Variants in GUSB observed in about 807,000 individuals in gnomAD.
GUSB encodes the protein glucuronidase beta.
Under a neutral mutation model 74.6 loss-of-function variants are expected in GUSB, and 51 were observed. The observed-to-expected ratio is 0.68, with a 90% CI of 0.55 to 0.86. The LOEUF is 0.86. GUSB is among the 40% of genes least tolerant of loss of function. GUSB has a pLI of 0.00. For synonymous variants in GUSB, 360 were observed against 348.3 expected (o/e 1.03, Z -0.37); for missense variants, 736 against 853.7 (o/e 0.86, Z 1.72).
rs753377381 is a variant in GUSB at position 65,975,994 on chromosome 7, C to A, written c.912+21G>T. On this transcript the variant is annotated intron_variant, in intron 5 of 11. Transcript: ENST00000304895. Reference sequence around the variant, plus strand: ...ATGGGGGCAAAAGACCTCCCTTAGGCATGTCCCAAACCACCATTACCTCCA... The same window carrying A: ...ATGGGGGCAAAAGACCTCCCTTAGGAATGTCCCAAACCACCATTACCTCCA... 5 of 1,608,296 alleles carry A rather than the reference C, an allele frequency of 3.1e-6. 1 individual carries two copies. In the South Asian group the frequency reaches 5.5e-5, roughly 18 times the overall value.
chr7:65,968,096 A>G (rs1476396946), intron 9 of GUSB, among the ~76,000 whole-genome samples, 189 bp from the exon 10 acceptor site: 1 of 152,026 alleles, frequency 6.6e-6, no homozygotes, highest in Non-Finnish European at 1.5e-5. Context: ...TACAAAAAAT[A>G]GTAGTAAGAA....
Position 65,979,517 on chromosome 7 carries a change from C to T in GUSB, c.606G>A (p.Gln202=). 1 of 1,614,188 alleles carries T rather than the reference C, an allele frequency of 6.2e-7. No individual in the cohort carries two copies. The highest frequency in any genetic ancestry group is 8.5e-7 in the Non-Finnish European group (1 of 1,180,024). The part of the protein sequence containing the change: ...TSKYPKGYFV[Q]NTYFDFFNYA... ...AGTTGAAAAAGTCAAAATATGTGTT[C>T]TGGACAAAGTAACCCTTGGGATACC... The change falls in exon 4 of 12, where the codon CAG becomes CAA. Residue 202 remains glutamine, a synonymous_variant. Coordinates refer to ENST00000304895, the MANE Select transcript of GUSB (RefSeq NM_000181.4).
At chr7:65,978,669 G>A (rs1307249200) in intron 4 of GUSB, among the ~76,000 whole-genome samples, 1 of 151,198 alleles carries the variant, frequency 6.6e-6, no homozygotes, top group Non-Finnish European at 1.5e-5. Context: ...TTACTCGGGA[G>A]GCTGAGGCAG....
chr7:65,980,888 C>T (rs1334143851), intron 1 of GUSB: 1 of 227,758 alleles, frequency 4.4e-6, no homozygotes, highest in Admixed American at 5.1e-5. Flanking sequence ...CCAGACCTCA[C>T]CCAGTTCCAC....
At position 65,961,779 on chromosome 7, in the gene GUSB, G is replaced by A. The variant is rs868800505; in HGVS notation, c.1790-716C>T. Among the ~76,000 whole-genome samples the A allele has an allele frequency of 4.6e-5, 7 of 152,132 alleles. No homozygotes were observed. The South Asian group carries it at 8.3e-4, about 18-fold the overall frequency. ...AGCACTCTGGGAGGACAAAGCAGGC[G>A]GATCACAAGGTCAGGAGATTAAGAC... On this transcript the variant is annotated intron_variant, in intron 11 of 11. Transcript: ENST00000304895.
intron 11 of GUSB, among the ~76,000 whole-genome samples, chr7:65,961,508 G>T (rs954504804): frequency 1.3e-5 from 2 of 152,142 alleles, no homozygotes; most frequent in Non-Finnish European, 2.9e-5. Context: ...AAATACCACT[G>T]CTCTGCCCAA....
At chr7:65,967,988 G>T in intron 9 of GUSB, 81 bp from the exon 10 acceptor site, 2 of 1,178,540 alleles carry the variant, frequency 1.7e-6, no homozygotes, top group Non-Finnish European at 2.5e-6. Flanking sequence ...GGCTCCTCTG[G>T]CAGAGAAGGT....
At position 65,967,927 on chromosome 7, in the gene GUSB, GC is replaced by G. The variant is rs1790943122; in HGVS notation, c.1477-21del. The G allele has an allele frequency of 1.3e-6, 2 of 1,594,292 alleles. No homozygotes were observed. The highest frequency in any genetic ancestry group is 2.2e-5 in the South Asian group (2 of 90,950). ...CGGAGCCTAGGACCAGAGCAGCAGA[GC>G]CCGTTCAGCACTCAGTAGACAGCAT... On this transcript the variant is annotated intron_variant, in intron 9 of 11. Coordinates refer to ENST00000304895, the MANE Select transcript of GUSB (RefSeq NM_000181.4).
chr7:65,966,103 G>A (rs1007343398), intron 10 of GUSB, among the ~76,000 whole-genome samples: 2 of 151,878 alleles, frequency 1.3e-5, no homozygotes, highest in African/African-American at 4.8e-5. Flanking sequence ...CAGGGAGGTG[G>A]ACATTGCAGT....
chr7:65,965,437 C>T (rs180928677), intron 10 of GUSB, among the ~76,000 whole-genome samples: 5 of 152,274 alleles, frequency 3.3e-5, no homozygotes, highest in Admixed American at 3.3e-4. Context: ...ATTCAGTTAT[C>T]CTAGTCATAT....
In GUSB at chr7:65,967,851, G is replaced by A. The variant is rs752845837; in HGVS notation, c.1533C>T (p.Tyr511=). 48 of 1,606,860 alleles carry A rather than the reference G, an allele frequency of 3.0e-5. No homozygotes were observed. The highest frequency in any genetic ancestry group is 4.5e-5 in the East Asian group (2 of 44,890). The change falls in exon 10 of 12, where the codon TAC becomes TAT. Residue 511 remains tyrosine, a synonymous_variant. Transcript: ENST00000304895. Reference sequence around the variant, plus strand: ...GCAGCTGAATCAACTCCAGGTGCCCGTAGTCGTGATACCAAGAGTAGTAGC... The same window carrying A: ...GCAGCTGAATCAACTCCAGGTGCCCATAGTCGTGATACCAAGAGTAGTAGC... The part of the protein sequence containing the change: ...LNSYYSWYHD[Y]GHLELIQLQL...
intron 9 of GUSB, 106 bp downstream of exon 9, chr7:65,970,176 A>G (rs1791098071): frequency 2.6e-6 from 2 of 774,424 alleles, no homozygotes; most frequent in African/African-American, 3.4e-5. Flanking sequence ...ATGAAATAAA[A>G]CCCAGACTGG....
rs771137253 is a variant in GUSB at position 65,979,815 on chromosome 7, G to C, written c.493C>G (p.Arg165Gly). Residue 165 changes from arginine to glycine, a missense_variant, in exon 3 of 12, where the codon CGG becomes GGG. By Grantham distance (125) the Arg-to-Gly change is moderately radical (BLOSUM62 -2). Transcript: ENST00000304895. ...NLVQVGPLPSRLRITIAINNT... is the reference protein window; with the variant it reads ...NLVQVGPLPSGLRITIAINNT... The stretch of plus-strand genomic sequence containing the variant: ...TTGATGGCGATAGTGATTCGGAGCC[G>C]GGAGGGCAGGGGCCCCACCTGGACC... 1.2e-6 allele frequency: 2 copies of C among 1,613,732 alleles called. No individual in the cohort carries two copies. Among genetic ancestry groups the C allele is most frequent in the Admixed American group, 1.7e-5 (1 of 60,022 alleles).
intron 8 of GUSB, among the ~76,000 whole-genome samples, chr7:65,972,820 A>G (rs1288711937): frequency 2.0e-5 from 3 of 152,128 alleles, no homozygotes; most frequent in African/African-American, 7.2e-5. Flanking sequence ...AGTCCTGCTG[A>G]GCACACCCCT....
At position 65,980,077 on chromosome 7, in the gene GUSB, A is replaced by G. The variant is rs867506320; in HGVS notation, c.396+147T>C. The G allele has an allele frequency of 7.2e-5, 70 of 966,720 alleles. 1 individual carries two copies. The South Asian group carries it at 9.0e-4, about 12-fold the overall frequency. 59.9% of individuals were successfully genotyped at this position (966,720 alleles called of 1,614,324 possible). A position where few individuals can be genotyped will look rare whatever the true frequency, so the allele number is the denominator to read the frequency against. On this transcript the variant is annotated intron_variant, in intron 2 of 11. Transcript: ENST00000304895. ...GGTAGATCAGGCTACCTATCCCCCTATACAGGGCACAGCCCCCAGGGCAGG... is the reference window on the plus strand; with the variant it reads ...GGTAGATCAGGCTACCTATCCCCCTGTACAGGGCACAGCCCCCAGGGCAGG...
chr7:65,968,671 C>CT (rs1165853612), intron 9 of GUSB, among the ~76,000 whole-genome samples: 55 of 152,238 alleles, frequency 3.6e-4, no homozygotes, highest in Admixed American at 3.5e-3. Flanking sequence ...ACTGCAACCT[C>CT]TGCCTCCCAC....
At position 65,982,146 on chromosome 7, in the gene GUSB, C is replaced by T. The variant is rs1237078772; in HGVS notation, c.38G>A (p.Gly13Glu). ...CAGCGCGCAGCCCCACAACAACGGC[C>T]CGAGCGCCGCCCAGGCAACCGCCGA... ...RGSAVAWAAL[G>E]PLLWGCALGL... The change falls in exon 1 of 12, where the codon GGG (glycine) becomes GAG (glutamate). Residue 13 changes from glycine (G) to glutamate (E), a missense_variant. Physicochemically the swap from Gly to Glu is moderately conservative, Grantham distance 98. Transcript: ENST00000304895. 1.3e-6 allele frequency: 2 copies of T among 1,537,462 alleles called. No individual in the cohort carries two copies. The highest frequency in any genetic ancestry group is 1.8e-6 in the Non-Finnish European group (2 of 1,142,028).
At chr7:65,969,894 C>G (rs578110075) in intron 9 of GUSB, among the ~76,000 whole-genome samples, 10 of 152,286 alleles carry the variant, frequency 6.6e-5, no homozygotes, top group Admixed American at 2.6e-4. Context: ...AATGCTGAGT[C>G]CAAACTGAGC....
intron 9 of GUSB, 149 bp downstream of exon 9, chr7:65,970,133 A>C (rs1400033513): frequency 1.5e-6 from 1 of 655,446 alleles, no homozygotes; most frequent in Non-Finnish European, 2.8e-6. Flanking sequence ...ACATGGCAAG[A>C]CCCTGTCTCT....
Sources: allele counts gnomAD v4.1 joint callset (sites outside exome capture counted in the v4.1 genomes callset), GRCh38; gene constraint gnomAD v4.1.1; transcripts MANE v1.5; gene names NCBI Gene and HGNC (gene_info 2026-07-23, HGNC 2026-07-21).